Variants in LRP1B observed in about 807,000 individuals in gnomAD.
LRP1B encodes the protein low-density lipoprotein receptor-related protein 1B.
In LRP1B, 217 loss-of-function variants were observed where a neutral mutation model predicts 556.6. That is an observed-to-expected ratio of 0.39 (90% CI 0.35 to 0.44). LRP1B has a LOEUF of 0.44. Ranked by LOEUF, LRP1B falls within the 20% of genes least tolerant of loss-of-function variation. The pLI, the probability that LRP1B is intolerant of heterozygous loss-of-function variation, is 1.00. For missense variants in LRP1B, 5,053 were observed against 5,620.8 expected (o/e 0.90, Z 3.23); for synonymous variants, 2,047 against 1,865.8 (o/e 1.10, Z -2.50).
chr2:140,873,383 G>C (rs920227615), intron 25 of LRP1B, among the ~76,000 whole-genome samples: 2 of 152,074 alleles, frequency 1.3e-5, no homozygotes, highest in Admixed American at 6.6e-5. Context: ...AGGCAGTCTA[G>C]TCCACAGGCA....
chr2:140,988,379 T>C (rs1036617663), intron 17 of LRP1B, among the ~76,000 whole-genome samples: 6 of 152,114 alleles, frequency 3.9e-5, no homozygotes, highest in Non-Finnish European at 7.4e-5. Context: ...AGATTTTTAA[T>C]CAGGGGACAA....
intron 7 of LRP1B, among the ~76,000 whole-genome samples, chr2:141,077,818 A>T (rs1158708792): frequency 6.6e-6 from 1 of 152,162 alleles, no homozygotes; most frequent in Admixed American, 6.5e-5. Flanking sequence ...ATATTTATAT[A>T]TCTTACTGGC....
chr2:141,889,077 A>G (rs1699207118), intron 1 of LRP1B, among the ~76,000 whole-genome samples: 1 of 152,174 alleles, frequency 6.6e-6, no homozygotes, highest in Non-Finnish European at 1.5e-5. Context: ...TATGCTGGAA[A>G]TAATGCTTAT....
Position 141,927,448 on chromosome 2 carries a change from A to C in LRP1B, c.83-117047T>G, listed in dbSNP as rs75134657. Among the ~76,000 whole-genome samples, 305 of 152,246 alleles carry C rather than the reference A, an allele frequency of 2.0e-3. 1 individual carries two copies. Among genetic ancestry groups the C allele is most frequent in the Non-Finnish European group, 3.2e-3 (219 of 67,988 alleles). ...AAAGAATTTGACTTTTTAGAGCAAA[A>C]CATGTCCATATTTTGCTCATCAGAT... On this transcript the variant is annotated intron_variant, in intron 1 of 90. Transcript: ENST00000389484.
At chr2:140,289,121 C>T (rs1683273882) in intron 84 of LRP1B, among the ~76,000 whole-genome samples, 1 of 151,834 alleles carries the variant, frequency 6.6e-6, no homozygotes, top group Non-Finnish European at 1.5e-5. Context: ...AATATAATTA[C>T]TAATATTTCA....
chr2:141,029,840 A>G (rs1196964752), intron 11 of LRP1B, among the ~76,000 whole-genome samples: 1 of 152,106 alleles, frequency 6.6e-6, no homozygotes, highest in African/African-American at 2.4e-5. Flanking sequence ...CATTACTGAC[A>G]TTTGGGAACT....
intron 2 of LRP1B, among the ~76,000 whole-genome samples, chr2:141,586,353 T>C (rs1687136233): frequency 5.3e-5 from 8 of 152,184 alleles, no homozygotes. Flanking sequence ...CTTTCAGTAC[T>C]ACTTAGCTTT....
chr2:140,479,238 G>T (rs529632854), intron 59 of LRP1B, among the ~76,000 whole-genome samples: 3 of 151,274 alleles, frequency 2.0e-5, no homozygotes, highest in African/African-American at 4.9e-5. Flanking sequence ...CTTCAAATTT[G>T]TCAATAAGAC....
At chr2:141,818,531 C>CTTTTTTTTTTTT (rs70994453) in intron 1 of LRP1B, among the ~76,000 whole-genome samples, 41 of 82,072 alleles carry the variant, frequency 5.0e-4, no homozygotes, top group African/African-American at 6.4e-4. Flanking sequence ...ATTTCTGTAT[C>CTTTTTTTTTTTT]TTTTTTTTTT....
At chr2:141,583,072 G>A (rs528923366) in intron 2 of LRP1B, among the ~76,000 whole-genome samples, 4 of 151,962 alleles carry the variant, frequency 2.6e-5, no homozygotes, top group African/African-American at 9.7e-5. Flanking sequence ...GCCTGACCTC[G>A]TGATCCGCCC....
At chr2:140,624,628 A>G (rs1683588748) in intron 41 of LRP1B, among the ~76,000 whole-genome samples, 1 of 152,156 alleles carries the variant, frequency 6.6e-6, no homozygotes, top group Admixed American at 6.6e-5. Flanking sequence ...AGCTGCAGTG[A>G]GTTATAATAT....
At chr2:141,223,658 T>C (rs1389638634) in intron 6 of LRP1B, among the ~76,000 whole-genome samples, 1 of 151,918 alleles carries the variant, frequency 6.6e-6, no homozygotes, top group African/African-American at 2.4e-5. Flanking sequence ...TAACCAAAAC[T>C]GGTACATGGT....
At chr2:140,369,446 C>T (rs942670297) in intron 71 of LRP1B, among the ~76,000 whole-genome samples, 1 of 151,872 alleles carries the variant, frequency 6.6e-6, no homozygotes, top group Non-Finnish European at 1.5e-5. Flanking sequence ...ACGCAAAAGT[C>T]GCATGAGTTA....
At chr2:141,966,983 G>T (rs1226713676) in intron 1 of LRP1B, among the ~76,000 whole-genome samples, 3 of 151,804 alleles carry the variant, frequency 2.0e-5, no homozygotes, top group Non-Finnish European at 4.4e-5. Flanking sequence ...ATAACGTCCT[G>T]TGGACAATCA....
chr2:140,539,180 C>T (rs1680042029), intron 45 of LRP1B, among the ~76,000 whole-genome samples: 1 of 152,112 alleles, frequency 6.6e-6, no homozygotes, highest in South Asian at 2.1e-4. Flanking sequence ...GGTTTTCCCT[C>T]CTTTGCCCTC....
chr2:140,890,725 A>G (rs906738333), intron 23 of LRP1B, among the ~76,000 whole-genome samples: 2 of 152,080 alleles, frequency 1.3e-5, no homozygotes, highest in Admixed American at 6.5e-5. Flanking sequence ...TTCCCCTCTG[A>G]GAAAATAAAG....
intron 1 of LRP1B, among the ~76,000 whole-genome samples, chr2:141,985,324 G>C (rs990192126): frequency 6.6e-6 from 1 of 152,092 alleles, no homozygotes; most frequent in African/African-American, 2.4e-5. Flanking sequence ...TCACTTCAAG[G>C]ATGCAAAGGA....
intron 3 of LRP1B, among the ~76,000 whole-genome samples, chr2:141,274,781 T>C (rs1685222423): frequency 6.6e-6 from 1 of 152,172 alleles, no homozygotes; most frequent in Non-Finnish European, 1.5e-5. Context: ...ACTGAAAACT[T>C]CAGTAGCAGA....
At chr2:140,353,642 A>T (rs946795894) in intron 75 of LRP1B, among the ~76,000 whole-genome samples, 11 of 152,108 alleles carry the variant, frequency 7.2e-5, no homozygotes, top group African/African-American at 1.9e-4. Context: ...GTCTCCAACC[A>T]TATATGGGAG....
Sources: allele counts gnomAD v4.1 joint callset (sites outside exome capture counted in the v4.1 genomes callset), GRCh38; gene constraint gnomAD v4.1.1; transcripts MANE v1.5; gene names NCBI Gene and HGNC (gene_info 2026-07-23, HGNC 2026-07-21).